MYH4: variants seen among roughly 807,000 people sequenced by gnomAD.
The protein encoded by MYH4 is myosin heavy chain 4.
MYH4 carries 200 observed loss-of-function variants against 229.9 expected under a neutral mutation model. The observed-to-expected ratio is 0.87, with a 90% CI of 0.78 to 0.98. The LOEUF is 0.98. MYH4 is among the 50% of genes least tolerant of loss of function. The pLI is 0.00. For missense variants in MYH4, 2,148 were observed against 2,332.6 expected (o/e 0.92, Z 1.63); for synonymous variants, 761 against 834.6 (o/e 0.91, Z 1.52).
intron 12 of MYH4, 68 bp from the exon 13 acceptor site, chr17:10,460,389 G>T: frequency 8.0e-7 from 1 of 1,251,254 alleles, no homozygotes; most frequent in Non-Finnish European, 1.1e-6. Context: ...AAATGATGAT[G>T]ACAAAGAAAA....
intron 11 of MYH4, among the ~76,000 whole-genome samples, chr17:10,461,498 A>G (rs1217598428): frequency 6.6e-6 from 1 of 151,984 alleles, no homozygotes; most frequent in Non-Finnish European, 1.5e-5. Context: ...CTAATGCATA[A>G]TCCCAGTCTA....
At chr17:10,446,581 T>A (rs73974711) in intron 35 of MYH4, among the ~76,000 whole-genome samples, 1 of 152,208 alleles carries the variant, frequency 6.6e-6, no homozygotes, top group Non-Finnish European at 1.5e-5. Context: ...ATGGCCTCCA[T>A]GAATTTGAAC....
At chr17:10,463,251 AT>A in intron 9 of MYH4, 63 bp from the exon 10 acceptor site, 1 of 1,553,108 alleles carries the variant, frequency 6.4e-7, no homozygotes, top group Non-Finnish European at 8.8e-7. Flanking sequence ...GTGTTTGAAA[AT>A]TTCACACAAC....
At chr17:10,448,838 C>G in intron 31 of MYH4, 26 bp downstream of exon 31, 1 of 1,613,114 alleles carries the variant, frequency 6.2e-7, no homozygotes, top group Non-Finnish European at 8.5e-7. Flanking sequence ...CAGTTTCCCC[C>G]AAGGGGAGCT....
rs775197647 is a variant in MYH4, at chr17:10,455,731, C to T, written c.2057G>A (p.Gly686Asp). 1.9e-6 allele frequency: 3 copies of T among 1,614,122 alleles called. No homozygotes were observed. Among genetic ancestry groups the T allele is most frequent in the Admixed American group, 1.7e-5 (1 of 60,018 alleles). The change falls in exon 19 of 40, where the codon GGT becomes GAT. Residue 686 changes from glycine (G) to aspartate (D), a missense_variant and splice_region_variant. Transcript: ENST00000255381. Reference protein sequence around the residue: ...CIIPNETKTPGAMEHELVLHQ... With the variant: ...CIIPNETKTPDAMEHELVLHQ... ...CAGGACAAGCTCATGCTCCATGGCA[C>T]CTAAGAGAATGAATCCACATGCCAT...
Position 10,452,033 on chromosome 17 carries a change from G to GC in MYH4, c.3645dup (p.Arg1216AlafsTer12). 1.2e-6 allele frequency: 2 copies of GC among 1,613,712 alleles called. No homozygotes were observed. The highest frequency in any genetic ancestry group is 2.2e-5 in the South Asian group (2 of 91,056). On this transcript the variant is annotated frameshift_variant, in exon 27 of 40. Coordinates refer to ENST00000255381, the MANE Select transcript of MYH4 (RefSeq NM_017533.2). LOFTEE classifies it high-confidence loss of function. ...TCCTTCTCCAGCTTCTGCTTGACCC[G>GC]CTGAAGGCTGTCAATCTGCTCCCCA...
At position 10,448,792 on chromosome 17, in the gene MYH4, A is replaced by G; in HGVS notation, c.4366-9T>C. 1 of 1,613,530 alleles carries G rather than the reference A, an allele frequency of 6.2e-7. No individual in the cohort carries two copies. Among genetic ancestry groups the G allele is most frequent in the African/African-American group, 1.3e-5 (1 of 74,976 alleles). ...TTCCATTCTGCCAGAACCTGGAAGT[A>G]TATAGAAAATAAGCCTTTGAAACCA... On this transcript the variant is annotated splice_polypyrimidine_tract_variant and intron_variant, in intron 31 of 39. Coordinates refer to ENST00000255381, the MANE Select transcript of MYH4 (RefSeq NM_017533.2).
chr17:10,451,581 G>C, intron 27 of MYH4, 129 bp from the exon 28 acceptor site: 3 of 1,027,028 alleles, frequency 2.9e-6, no homozygotes, highest in Non-Finnish European at 4.1e-6. Flanking sequence ...TTGCATGGTG[G>C]CTATAAAGTA....
chr17:10,466,581 C>T lies in MYH4; in HGVS notation c.165G>A (p.Arg55=). The change falls in exon 3 of 40, where the codon AGG becomes AGA. Residue 55 remains arginine (R), a synonymous_variant. Transcript: ENST00000255381. ...ESYVKAIVQS[R]EGGKVTAKTE... Reference sequence around the variant, plus strand: ...TCTTGGCTGTCACCTTCCCCCCTTCCCTGCTCTGCACTATTGCTTTCACGT... The same window carrying T: ...TCTTGGCTGTCACCTTCCCCCCTTCTCTGCTCTGCACTATTGCTTTCACGT... 1 of 1,613,942 alleles carries T rather than the reference C, an allele frequency of 6.2e-7. No individual in the cohort carries two copies. The highest frequency in any genetic ancestry group is 8.5e-7 in the Non-Finnish European group (1 of 1,180,022).
chr17:10,462,851 T>C lies in MYH4; in HGVS notation c.1008+14A>G, dbSNP rs1419551903. 1 of 1,599,860 alleles carries C rather than the reference T, an allele frequency of 6.3e-7. No individual in the cohort carries two copies. Among genetic ancestry groups the C allele is most frequent in the Non-Finnish European group, 8.6e-7 (1 of 1,168,396 alleles). Reference sequence around the variant, plus strand: ...AATGAATTTACTTTTTACTACTTTGTACCTATTACTTACATCTGTGGCCAT... The same window carrying C: ...AATGAATTTACTTTTTACTACTTTGCACCTATTACTTACATCTGTGGCCAT... On this transcript the variant is annotated intron_variant, in intron 11 of 39. Coordinates refer to ENST00000255381, the MANE Select transcript of MYH4 (RefSeq NM_017533.2).
In MYH4 at chr17:10,455,161, A is replaced by C. The variant is rs1450685743; in HGVS notation, c.2298+11T>G. 6.2e-7 allele frequency: 1 copy of C among 1,614,192 alleles called. No individual in the cohort carries two copies. Among genetic ancestry groups the C allele is most frequent in the South Asian group, 1.1e-5 (1 of 91,080 alleles). On this transcript the variant is annotated intron_variant, in intron 20 of 39. Coordinates refer to ENST00000255381, the MANE Select transcript of MYH4 (RefSeq NM_017533.2). ...AGAATTATGACAGATAGAAATTTGG[A>C]CTGGTGATACCTTGGTATGACCGAA...
intron 19 of MYH4, 73 bp downstream of exon 19, chr17:10,455,541 T>A: frequency 6.4e-7 from 1 of 1,560,204 alleles, no homozygotes; most frequent in South Asian, 1.2e-5. Flanking sequence ...AGGAAAAGTT[T>A]AAAAATGTTG....
chr17:10,463,653 AATG>A lies in MYH4; in HGVS notation c.649-13_649-11del. On this transcript the variant is annotated splice_polypyrimidine_tract_variant and intron_variant, in intron 7 of 39. Transcript: ENST00000255381. ...GATCTTCAAGGGTCCCCTTAAGAGAAATGAATAAGACAGACAAAGAAAAAAGTT... is the reference window on the plus strand; with the variant it reads ...GATCTTCAAGGGTCCCCTTAAGAGAAAATAAGACAGACAAAGAAAAAAGTT... 6.3e-7 allele frequency: 1 copy of A among 1,582,442 alleles called. No individual in the cohort carries two copies. The highest frequency in any genetic ancestry group is 8.6e-7 in the Non-Finnish European group (1 of 1,163,312).
rs1372244510 is a variant in MYH4 at position 10,463,166 on chromosome 17, A to T, written c.828T>A (p.Val276=). 1 of 1,613,484 alleles carries T rather than the reference A, an allele frequency of 6.2e-7. No individual in the cohort carries two copies. Among genetic ancestry groups the T allele is most frequent in the Admixed American group, 1.7e-5 (1 of 60,024 alleles). Residue 276 remains valine (V), a synonymous_variant, in exon 10 of 40, where the codon GTT becomes GTA. Transcript: ENST00000255381. ...IETYLLEKSR[V]TFQLKAERSY... The stretch of plus-strand genomic sequence containing the variant: ...TTCTTTCAGCCTTTAGCTGAAAAGT[A>T]ACTCGGGACTTCTCTAGCAGATCTG...
intron 1 of MYH4, 42 bp from the exon 2 acceptor site, chr17:10,469,378 C>T (rs909947978): frequency 7.2e-5 from 11 of 151,872 alleles, no homozygotes; most frequent in African/African-American, 2.7e-4. Flanking sequence ...TTTTTTTTCC[C>T]CATTTAATCA....
chr17:10,450,848 G>A lies in MYH4; in HGVS notation c.3913C>T (p.Leu1305=). The A allele has an allele frequency of 3.7e-6, 6 of 1,614,074 alleles. No homozygotes were observed. The highest frequency in any genetic ancestry group is 5.1e-6 in the Non-Finnish European group (6 of 1,179,998). Residue 1305 remains leucine (L), a synonymous_variant, in exon 29 of 40, where the codon CTA becomes TTA. Coordinates refer to ENST00000255381, the MANE Select transcript of MYH4 (RefSeq NM_017533.2). ...LDEKDAMVSQ[L]SRGKQAFTQQ... ...GTAAATGCTTGTTTGCCTCGGGATA[G>A]CTGAGAAACCATAGCATCTTTTTCA...
In MYH4 at chr17:10,454,766, T is replaced by C; in HGVS notation, c.2480A>G (p.Asn827Ser). 1 of 1,614,184 alleles carries C rather than the reference T, an allele frequency of 6.2e-7. No individual in the cohort carries two copies. The highest frequency in any genetic ancestry group is 2.2e-5 in the East Asian group (1 of 44,882). The change falls in exon 22 of 40, where the codon AAT (asparagine) becomes AGT (serine). Residue 827 changes from asparagine (N) to serine (S), a missense_variant. Asn to Ser is a conservative substitution (Grantham distance 46). Coordinates refer to ENST00000255381, the MANE Select transcript of MYH4 (RefSeq NM_017533.2). ...CIQYNIRAFMNVKHWPWMKLY... is the reference protein window; with the variant it reads ...CIQYNIRAFMSVKHWPWMKLY... The stretch of plus-strand genomic sequence containing the variant: ...CTTCATCCAGGGCCAGTGCTTCACA[T>C]TCATGAAAGCACGGATGTTGTACTG...
chr17:10,465,626 C>A lies in MYH4; in HGVS notation c.349-28G>T. 2.5e-6 allele frequency: 4 copies of A among 1,613,816 alleles called. No individual in the cohort carries two copies. In the Middle Eastern group the frequency reaches 6.6e-4, roughly 266 times the overall value. On this transcript the variant is annotated intron_variant, in intron 4 of 39. Transcript: ENST00000255381. Reference sequence around the variant, plus strand: ...GTGGGAAAGGACGGGGTTCCTCGATCAGCAATCACCTTGTTTATCTATCTT... The same window carrying A: ...GTGGGAAAGGACGGGGTTCCTCGATAAGCAATCACCTTGTTTATCTATCTT...
chr17:10,453,536 T>C, intron 23 of MYH4, 107 bp downstream of exon 23: 1 of 1,580,714 alleles, frequency 6.3e-7, no homozygotes, highest in Non-Finnish European at 8.6e-7. Context: ...GAAATAGTTA[T>C]GACAGTGGTA....
Sources: gnomAD v4.1 joint callset for allele counts (sites outside exome capture counted in the v4.1 genomes callset) on GRCh38, gnomAD v4.1.1 for gene constraint, MANE v1.5 for transcripts, NCBI Gene and HGNC (gene_info 2026-07-23, HGNC 2026-07-21) for gene names.